Variants in LSM3 observed in about 807,000 individuals in gnomAD.
LSM3 encodes LSM3 homolog, U6 small nuclear RNA and mRNA degradation associated.
Under a neutral mutation model 15.4 loss-of-function variants are expected in LSM3, and 14 were observed. That is an observed-to-expected ratio of 0.91 (90% CI 0.60 to 1.42). LSM3 has a LOEUF of 1.42. Among genes scored for constraint, LSM3 ranks in the 40% most tolerant of loss-of-function variants. The probability of loss-of-function intolerance (pLI) is 0.00; values close to 1 mark genes in which losing one functional copy is unlikely to be tolerated. For synonymous variants in LSM3, 46 were observed against 45.1 expected (o/e 1.02, Z -0.08); for missense variants, 88 against 127.9 (o/e 0.69, Z 1.50).
intron 3 of LSM3, among the ~76,000 whole-genome samples, chr3:14,184,661 G>A (rs1697070595): frequency 6.6e-6 from 1 of 150,970 alleles, no homozygotes; most frequent in Admixed American, 6.6e-5. Flanking sequence ...GGAGGCTGAG[G>A]CAGGAGAATG....
rs115567015 is a variant in LSM3, at chr3:14,198,852, G to T, written c.*736G>T. 1 of 142,774 alleles carries T rather than the reference G, an allele frequency of 7.0e-6. No homozygotes were observed. The highest frequency in any genetic ancestry group is 1.5e-5 in the Non-Finnish European group (1 of 65,886). The allele number at this position is 142,774 out of a possible 1,614,324, so 8.8% of individuals were successfully genotyped here. A position where few individuals can be genotyped will look rare whatever the true frequency, so the allele number is the denominator to read the frequency against. Reference sequence around the variant, plus strand: ...AACCTGGTCAACAGAGCGAGACTCCGTGTCAAAAAAAAAAAAAAAAAAGTT... The same window carrying T: ...AACCTGGTCAACAGAGCGAGACTCCTTGTCAAAAAAAAAAAAAAAAAAGTT... On this transcript the variant is annotated 3_prime_UTR_variant, in exon 4 of 4. Coordinates refer to ENST00000306024, the MANE Select transcript of LSM3 (RefSeq NM_014463.3).
Position 14,181,575 on chromosome 3 carries a change from A to G in LSM3, c.37A>G (p.Thr13Ala). 1 of 1,611,596 alleles carries G rather than the reference A, an allele frequency of 6.2e-7. No homozygotes were observed. Among genetic ancestry groups the G allele is most frequent in the East Asian group, 2.2e-5 (1 of 44,848 alleles). Residue 13 changes from threonine to alanine, a missense_variant, in exon 2 of 4, where the codon ACT (threonine) becomes GCT (alanine). Transcript: ENST00000306024. The stretch of plus-strand genomic sequence containing the variant: ...CTTTTATCAGCAACAAACTACCAAC[A>G]CTGTAGAGGAGCCCCTGGATCTTAT... ...DDVDQQQTTN[T>A]VEEPLDLIRL...
At chr3:14,185,801 C>G (rs112584690) in intron 3 of LSM3, among the ~76,000 whole-genome samples, 22 of 152,320 alleles carry the variant, frequency 1.4e-4, no homozygotes, top group African/African-American at 5.3e-4. Context: ...TTGGTTACAT[C>G]AGGCACTGGT....
chr3:14,184,565 TAAA>T (rs1307800892), intron 3 of LSM3, among the ~76,000 whole-genome samples: 1 of 147,572 alleles, frequency 6.8e-6, no homozygotes, highest in East Asian at 2.0e-4. Context: ...CCATCCCGGC[TAAA>T]AAAACGGTGA....
chr3:14,192,874 A>G (rs1472439234), intron 3 of LSM3, among the ~76,000 whole-genome samples: 1 of 152,176 alleles, frequency 6.6e-6, no homozygotes, highest in Non-Finnish European at 1.5e-5. Flanking sequence ...CATAGTGTCA[A>G]TGTTATTTAC....
Position 14,198,158 on chromosome 3 carries a change from C to T in LSM3, c.*42C>T, listed in dbSNP as rs778288959. On this transcript the variant is annotated 3_prime_UTR_variant, in exon 4 of 4. Transcript: ENST00000306024. ...TGTATGGAAAACGGGAGACTTTGTA[C>T]AGTGGCCTCTCTAAAAGTACAAAAC... The T allele has an allele frequency of 7.1e-7, 1 of 1,414,050 alleles. No individual in the cohort carries two copies. The highest frequency in any genetic ancestry group is 1.0e-6 in the Non-Finnish European group (1 of 1,000,358). 87.6% of individuals were successfully genotyped at this position (1,414,050 alleles called of 1,614,324 possible).
Position 14,200,118 on chromosome 3 carries a change from A to AT in LSM3, c.*2005dup, listed in dbSNP as rs1390056522. The AT allele has an allele frequency of 6.6e-5, 10 of 152,198 alleles. No homozygotes were observed. Among genetic ancestry groups the AT allele is most frequent in the Admixed American group, 6.5e-5 (1 of 15,282 alleles). 9.4% of individuals were successfully genotyped at this position (152,198 alleles called of 1,614,324 possible). A position where few individuals can be genotyped will look rare whatever the true frequency, so the allele number is the denominator to read the frequency against. ...TGGCTGTGAGGACTTGATTATACAC[A>AT]TTTCTAAAACCCATGAACCTTAATA... On this transcript the variant is annotated 3_prime_UTR_variant, in exon 4 of 4. Coordinates refer to ENST00000306024, the MANE Select transcript of LSM3 (RefSeq NM_014463.3).
intron 3 of LSM3, among the ~76,000 whole-genome samples, chr3:14,184,246 A>G (rs1378008093): frequency 6.6e-6 from 1 of 152,172 alleles, no homozygotes; most frequent in Non-Finnish European, 1.5e-5. Flanking sequence ...GGGCAAGGGA[A>G]TTAAGTTAGC....
intron 3 of LSM3, among the ~76,000 whole-genome samples, chr3:14,189,183 G>A (rs969383337): frequency 6.6e-6 from 1 of 152,116 alleles, no homozygotes; most frequent in Non-Finnish European, 1.5e-5. Flanking sequence ...GTGCCACATT[G>A]TCTTAATCCA....
intron 3 of LSM3, among the ~76,000 whole-genome samples, chr3:14,192,663 A>G (rs950067549): frequency 2.0e-5 from 3 of 152,114 alleles, no homozygotes; most frequent in Non-Finnish European, 2.9e-5. Context: ...TTTTGTGCCT[A>G]TGTGTGTGTT....
intron 3 of LSM3, among the ~76,000 whole-genome samples, chr3:14,196,156 A>G (rs994473276): frequency 4.0e-5 from 6 of 151,626 alleles, no homozygotes; most frequent in African/African-American, 1.5e-4. Context: ...ACGGGGTTTC[A>G]CCGTGTTAGC....
chr3:14,181,408 G>T (rs1574986967), intron 1 of LSM3, 152 bp from the exon 2 acceptor site: 1 of 621,168 alleles, frequency 1.6e-6, no homozygotes, highest in Non-Finnish European at 2.9e-6. Flanking sequence ...CACAAAAACA[G>T]TATTAGGTAG....
At chr3:14,182,715 G>A (rs1175534615) in intron 2 of LSM3, among the ~76,000 whole-genome samples, 1 of 152,158 alleles carries the variant, frequency 6.6e-6, no homozygotes, top group Non-Finnish European at 1.5e-5. Flanking sequence ...ATTATTCTAA[G>A]CATTTTGTGT....
intron 3 of LSM3, among the ~76,000 whole-genome samples, chr3:14,195,761 G>A (rs1697181989): frequency 6.6e-6 from 1 of 151,908 alleles, no homozygotes; most frequent in Admixed American, 6.6e-5. Context: ...GTTCTGGTGT[G>A]GAGCTTGGCG....
chr3:14,198,101 A>G lies in LSM3; in HGVS notation c.294A>G (p.Pro98=). 3 of 1,613,326 alleles carry G rather than the reference A, an allele frequency of 1.9e-6. No individual in the cohort carries two copies. The highest frequency in any genetic ancestry group is 2.2e-5 in the South Asian group (2 of 91,038). The change falls in exon 4 of 4, where the codon CCA becomes CCG. Residue 98 remains proline (P), a synonymous_variant. Transcript: ENST00000306024. ...RGDGVVLVAP[P]LRVG ...ATGGCGTTGTCCTGGTTGCCCCTCC[A>G]CTGAGAGTTGGCTGAAACAAAGAAT...
At position 14,181,663 on chromosome 3, in the gene LSM3, G is replaced by A. The variant is rs1294717958; in HGVS notation, c.125G>A (p.Arg42Lys). 3 of 1,609,034 alleles carry A rather than the reference G, an allele frequency of 1.9e-6. No individual in the cohort carries two copies. The highest frequency in any genetic ancestry group is 2.6e-6 in the Non-Finnish European group (3 of 1,175,494). The part of the protein sequence containing the change: ...KMRNDRELRG[R>K]LHAYDQHLNM... Reference sequence around the variant, plus strand: ...AGAAATGACCGAGAGCTTCGAGGCAGATTACATGTAAGTAAATTTATCAAG... The same window carrying A: ...AGAAATGACCGAGAGCTTCGAGGCAAATTACATGTAAGTAAATTTATCAAG... The change falls in exon 2 of 4, where the codon AGA becomes AAA. Residue 42 changes from arginine to lysine, a missense_variant. Arg to Lys is a conservative substitution (Grantham distance 26, BLOSUM62 2). Coordinates refer to ENST00000306024, the MANE Select transcript of LSM3 (RefSeq NM_014463.3).
intron 1 of LSM3, among the ~76,000 whole-genome samples, chr3:14,179,816 A>T (rs1287115073): frequency 2.0e-5 from 3 of 152,232 alleles, no homozygotes; most frequent in Non-Finnish European, 2.9e-5. Flanking sequence ...GGATGAAAAG[A>T]GCAGACAGTG....
intron 3 of LSM3, among the ~76,000 whole-genome samples, chr3:14,187,324 C>T (rs1697098415): frequency 6.6e-6 from 1 of 152,222 alleles, no homozygotes; most frequent in African/African-American, 2.4e-5. Flanking sequence ...ACGCTGCGTG[C>T]TGCGTGCATG....
intron 2 of LSM3, among the ~76,000 whole-genome samples, chr3:14,182,775 T>C (rs1697051917): frequency 6.6e-6 from 1 of 152,252 alleles, no homozygotes; most frequent in Non-Finnish European, 1.5e-5. Context: ...TACATACTAA[T>C]TATTCCTGCT....
Sources: allele counts gnomAD v4.1 joint callset (sites outside exome capture counted in the v4.1 genomes callset), GRCh38; gene constraint gnomAD v4.1.1; transcripts MANE v1.5; gene names NCBI Gene and HGNC (gene_info 2026-07-23, HGNC 2026-07-21).